Variants in SENP7 observed in about 807,000 individuals in gnomAD.
SENP7 encodes the protein SUMO specific peptidase 7, also known as sentrin-specific protease 7.
A neutral mutation model predicts 141.2 loss-of-function variants in SENP7; 64 were observed. That is an observed-to-expected ratio of 0.45 (90% CI 0.37 to 0.56). The LOEUF (loss-of-function observed/expected upper bound fraction) is 0.56, where lower values mean the gene tolerates loss of function less well. Among genes scored for constraint, SENP7 ranks in the 20% least tolerant of loss-of-function variants. SENP7 has a pLI of 0.00. For missense variants in SENP7, 1,025 were observed against 1,212.2 expected, an observed-to-expected ratio of 0.85 and a Z score of 2.29; for synonymous variants, 382 against 426.4, an observed-to-expected ratio of 0.90 and a Z score of 1.28.
At position 101,338,457 on chromosome 3, in the gene SENP7, T is replaced by C. The variant is rs569633549; in HGVS notation, c.2358-826A>G. 2.6e-5 allele frequency among the ~76,000 whole-genome samples: 4 copies of C among 152,284 alleles called. No homozygotes were observed. The East Asian group carries it at 7.7e-4, about 29-fold the overall frequency. ...CCTTCCATATAAGCTTATAATCCAATCACTTAGTAATTAACCCCTTCATGA... is the reference window on the plus strand; with the variant it reads ...CCTTCCATATAAGCTTATAATCCAACCACTTAGTAATTAACCCCTTCATGA... On this transcript the variant is annotated intron_variant, in intron 16 of 23. Coordinates refer to ENST00000394095, the MANE Select transcript of SENP7 (RefSeq NM_020654.5).
intron 1 of SENP7, among the ~76,000 whole-genome samples, chr3:101,510,056 A>T (rs1426673303): frequency 6.6e-6 from 1 of 152,220 alleles, no homozygotes; most frequent in African/African-American, 2.4e-5. Context: ...ACTGGTTCAA[A>T]TTTACTTGAC....
At chr3:101,458,165 C>T (rs1333346358) in intron 4 of SENP7, among the ~76,000 whole-genome samples, 2 of 152,120 alleles carry the variant, frequency 1.3e-5, no homozygotes, top group Non-Finnish European at 2.9e-5. Flanking sequence ...TCATAAACTG[C>T]TATGGAGTCA....
chr3:101,499,554 GA>G (rs2065292924), intron 2 of SENP7, among the ~76,000 whole-genome samples: 1 of 126,268 alleles, frequency 7.9e-6, no homozygotes, highest in Non-Finnish European at 1.7e-5. Flanking sequence ...TTTTTTCTTG[GA>G]GACAGAGTCT....
At chr3:101,355,816 A>G (rs1025090786) in intron 11 of SENP7, among the ~76,000 whole-genome samples, 2 of 152,128 alleles carry the variant, frequency 1.3e-5, no homozygotes, top group African/African-American at 4.8e-5. Flanking sequence ...GGCCATTTTA[A>G]TTCTATTGAT....
intron 3 of SENP7, among the ~76,000 whole-genome samples, chr3:101,484,781 T>C (rs1054791241): frequency 6.6e-6 from 1 of 152,044 alleles, no homozygotes; most frequent in Non-Finnish European, 1.5e-5. Context: ...AGGAATCCAT[T>C]GGGTGGATGA....
intron 6 of SENP7, among the ~76,000 whole-genome samples, chr3:101,372,607 C>T (rs958516401): frequency 1.3e-4 from 19 of 151,948 alleles, no homozygotes; most frequent in Admixed American, 5.9e-4. Context: ...AATTTAAAGT[C>T]TAAGGTACTG....
chr3:101,457,462 T>C lies in SENP7; in HGVS notation c.284+1493A>G, dbSNP rs1364687818. 6.2e-6 allele frequency: 10 copies of C among 1,605,664 alleles called. No individual in the cohort carries two copies. The African/African-American group carries it at 1.2e-4, about 19-fold the overall frequency. On this transcript the variant is annotated intron_variant, in intron 4 of 23. Coordinates refer to ENST00000394095, the MANE Select transcript of SENP7 (RefSeq NM_020654.5). ...TGCTTTGTCTCGGCATGGCCTGTAA[T>C]GGTGAAAGTGTTTGCTGCCAGAGAT...
At chr3:101,437,368 G>A (rs1372231912) in intron 4 of SENP7, among the ~76,000 whole-genome samples, 8 of 152,134 alleles carry the variant, frequency 5.3e-5, no homozygotes, top group Non-Finnish European at 1.2e-4. Flanking sequence ...CTTAACAAAT[G>A]TAACTGGATT....
chr3:101,326,035 A>C lies in SENP7; in HGVS notation c.3061T>G (p.Phe1021Val). The C allele has an allele frequency of 1.2e-6, 2 of 1,610,012 alleles. No individual in the cohort carries two copies. The change falls in exon 24 of 24, where the codon TTT becomes GTT. Residue 1021 changes from phenylalanine to valine, a missense_variant. By Grantham distance (50) the Phe-to-Val change is conservative (BLOSUM62 -1). Coordinates refer to ENST00000394095, the MANE Select transcript of SENP7 (RefSeq NM_020654.5). ...TTGGTCTTTATTACATGACGAGGAA[A>C]CCACTTCTCCAAATGAATTGGAAGT... Reference protein sequence around the residue: ...FELPIHLEKWFPRHVIKTKRE... With the variant: ...FELPIHLEKWVPRHVIKTKRE...
At chr3:101,451,842 T>G (rs540316701) in intron 4 of SENP7, among the ~76,000 whole-genome samples, 1 of 152,064 alleles carries the variant, frequency 6.6e-6, no homozygotes, top group Non-Finnish European at 1.5e-5. Flanking sequence ...TATTCAACAT[T>G]GTGTTGGAAG....
At chr3:101,491,608 ATTATT>A (rs1386063764) in intron 3 of SENP7, among the ~76,000 whole-genome samples, 1 of 152,146 alleles carries the variant, frequency 6.6e-6, no homozygotes, top group Non-Finnish European at 1.5e-5. Context: ...ATGCAAATAT[ATTATT>A]TTCTTTTTAA....
In SENP7 at chr3:101,340,185, G is replaced by C; in HGVS notation, c.2267C>G (p.Thr756Ser). The C allele has an allele frequency of 6.3e-7, 1 of 1,599,766 alleles. No individual in the cohort carries two copies. The highest frequency in any genetic ancestry group is 8.5e-7 in the Non-Finnish European group (1 of 1,175,014). ...QKLIVYPPPP[T>S]KGGLGVTNED... ...ATTAGTTACTCCTAATCCCCCCTTAGTAGGTGGTGGAGGATATACAATCAA... is the reference window on the plus strand; with the variant it reads ...ATTAGTTACTCCTAATCCCCCCTTACTAGGTGGTGGAGGATATACAATCAA... Residue 756 changes from threonine (T) to serine (S), a missense_variant, in exon 16 of 24, where the codon ACT becomes AGT. Transcript: ENST00000394095.
rs1375869514 is a variant in SENP7, at chr3:101,361,821, T to C, written c.1517A>G (p.Asn506Ser). The C allele has an allele frequency of 1.2e-6, 2 of 1,607,510 alleles. No individual in the cohort carries two copies. The highest frequency in any genetic ancestry group is 1.7e-6 in the Non-Finnish European group (2 of 1,177,684). Reference protein sequence around the residue: ...ELCPYNPVMENISSIMPSNEM... With the variant: ...ELCPYNPVMESISSIMPSNEM... ...ATTACTAGGCATAATACTGGAAATG[T>C]TCTCCATGACAGGATTATATGGGCA... Residue 506 changes from asparagine (N) to serine (S), a missense_variant, in exon 11 of 24, where the codon AAC (asparagine) becomes AGC (serine). By Grantham distance (46) the Asn-to-Ser change is conservative. Coordinates refer to ENST00000394095, the MANE Select transcript of SENP7 (RefSeq NM_020654.5).
intron 11 of SENP7, among the ~76,000 whole-genome samples, chr3:101,356,524 T>A (rs1459636276): frequency 6.6e-6 from 1 of 152,180 alleles, no homozygotes; most frequent in African/African-American, 2.4e-5. Context: ...ATACAAATAA[T>A]TTAACAACTT....
At chr3:101,470,454 T>G (rs2063941706) in intron 3 of SENP7, among the ~76,000 whole-genome samples, 1 of 152,116 alleles carries the variant, frequency 6.6e-6, no homozygotes, top group Non-Finnish European at 1.5e-5. Flanking sequence ...ATTAAAAACC[T>G]TCATGCCAAA....
chr3:101,469,585 G>A (rs1327382556), intron 3 of SENP7, among the ~76,000 whole-genome samples: 1 of 117,240 alleles, frequency 8.5e-6, no homozygotes, highest in Non-Finnish European at 1.8e-5. Flanking sequence ...AGCACTTTGG[G>A]AGGCCGAGGC....
intron 4 of SENP7, chr3:101,457,753 A>G: frequency 1.3e-6 from 1 of 773,438 alleles, no homozygotes; most frequent in Admixed American, 2.2e-5. Flanking sequence ...ATAAGGGGCC[A>G]TGCAGAGAAC....
chr3:101,504,765 T>C (rs1226138726), intron 1 of SENP7, among the ~76,000 whole-genome samples: 2 of 152,156 alleles, frequency 1.3e-5, no homozygotes, highest in African/African-American at 2.4e-5. Context: ...ACACCTATAA[T>C]CCCAACACTT....
At chr3:101,363,800 C>T (rs2682389) in intron 10 of SENP7, among the ~76,000 whole-genome samples, 133,619 of 152,274 alleles carry the variant, frequency 0.88, 59,113 homozygotes, top group East Asian at 1. Context: ...CAACTCTTCA[C>T]CATACTCTGC....
Sources: gnomAD v4.1 joint callset for allele counts (sites outside exome capture counted in the v4.1 genomes callset) on GRCh38, gnomAD v4.1.1 for gene constraint, MANE v1.5 for transcripts, NCBI Gene and HGNC (gene_info 2026-07-23, HGNC 2026-07-21) for gene names.